NTSR1: variants seen among roughly 807,000 people sequenced by gnomAD.
NTSR1 encodes the protein neurotensin receptor type 1.
NTSR1 carries 29 observed loss-of-function variants against 31.2 expected under a neutral mutation model. That is an observed-to-expected ratio of 0.93 (90% CI 0.69 to 1.27). The LOEUF is 1.27. Among genes scored for constraint, NTSR1 ranks in the 50% most tolerant of loss-of-function variants. NTSR1 has a pLI of 0.00. For synonymous variants in NTSR1, 282 were observed against 269.9 expected, an observed-to-expected ratio of 1.04 and a Z score of -0.44; for missense variants, 697 against 595.4, an observed-to-expected ratio of 1.17 and a Z score of -1.78.
intron 1 of NTSR1, among the ~76,000 whole-genome samples, chr20:62,739,502 C>A (rs943269599): frequency 2.6e-5 from 4 of 152,236 alleles, no homozygotes; most frequent in Non-Finnish European, 4.4e-5. Context: ...CCAGGTGTCA[C>A]TGAGTCAGTC....
chr20:62,721,520 G>A (rs1988827761), intron 1 of NTSR1, among the ~76,000 whole-genome samples: 1 of 152,234 alleles, frequency 6.6e-6, no homozygotes, highest in Non-Finnish European at 1.5e-5. Flanking sequence ...GTCCGTGGTG[G>A]TTCCAATGCA....
chr20:62,727,915 C>T (rs1046523292), intron 1 of NTSR1, among the ~76,000 whole-genome samples: 1 of 152,230 alleles, frequency 6.6e-6, no homozygotes, highest in Non-Finnish European at 1.5e-5. Flanking sequence ...CGGCGTGGGC[C>T]GACCCAGCAC....
Position 62,761,321 on chromosome 20 carries a change from G to C in NTSR1, c.*1054G>C, listed in dbSNP as rs1989618578. On this transcript the variant is annotated 3_prime_UTR_variant, in exon 4 of 4. Coordinates refer to ENST00000370501, the MANE Select transcript of NTSR1 (RefSeq NM_002531.3). ...TCCCAGGAACTCAGGCTTCAGGTGA[G>C]AAGGAGCGGTGTGTCCAGGCACCGC... 6.6e-6 allele frequency: 1 copy of C among 152,324 alleles called. No homozygotes were observed. 9.4% of individuals were successfully genotyped at this position (152,324 alleles called of 1,614,324 possible).
Position 62,719,123 on chromosome 20 carries a change from CAA to C in NTSR1, c.714+9215_714+9216del, listed in dbSNP as rs34268973. Among the ~76,000 whole-genome samples the C allele has an allele frequency of 3.9e-3, 557 of 142,356 alleles. 2 individuals carry two copies. Among genetic ancestry groups the C allele is most frequent in the South Asian group, 6.6e-3 (30 of 4,530 alleles). The allele number at this position is 142,356 out of a possible 152,430, so 93.4% of individuals were successfully genotyped here. ...GCTTCCAGTCCCTTTTTTTTTCTTT[CAA>C]AAAAAAAAAAAAGTTTTTCGTTTAT... On this transcript the variant is annotated intron_variant, in intron 1 of 3. Coordinates refer to ENST00000370501, the MANE Select transcript of NTSR1 (RefSeq NM_002531.3).
intron 1 of NTSR1, among the ~76,000 whole-genome samples, chr20:62,736,473 G>C (rs748611798): frequency 1.3e-5 from 2 of 152,250 alleles, no homozygotes; most frequent in Non-Finnish European, 2.9e-5. Context: ...CTCCAACTGG[G>C]GAACCAGGAG....
chr20:62,724,905 T>C (rs6011899), intron 1 of NTSR1, among the ~76,000 whole-genome samples: 25,957 of 152,200 alleles, frequency 0.17, 3,444 homozygotes, highest in African/African-American at 0.37. Flanking sequence ...CTCTGTGTCA[T>C]CTAAGGATAC....
At chr20:62,734,584 G>A (rs1989054292) in intron 1 of NTSR1, among the ~76,000 whole-genome samples, 1 of 152,354 alleles carries the variant, frequency 6.6e-6, no homozygotes, top group South Asian at 2.1e-4. Flanking sequence ...GCAGGCGCTG[G>A]TGTGCCTGGC....
Position 62,709,149 on chromosome 20 carries a change from C to T in NTSR1, c.-59C>T. 2 of 1,321,320 alleles carry T rather than the reference C, an allele frequency of 1.5e-6. No homozygotes were observed. Among genetic ancestry groups the T allele is most frequent in the Non-Finnish European group, 2.0e-6 (2 of 1,021,914 alleles). 81.8% of individuals were successfully genotyped at this position (1,321,320 alleles called of 1,614,324 possible). On this transcript the variant is annotated 5_prime_UTR_variant, in exon 1 of 4. Transcript: ENST00000370501. ...GGTCCCCGCCTGAGACGCGCCCACT[C>T]CTGCCCGGACTTCCAGCCCCGGAGG...
At chr20:62,718,644 C>T (rs560262000) in intron 1 of NTSR1, among the ~76,000 whole-genome samples, 59 of 151,328 alleles carry the variant, frequency 3.9e-4, no homozygotes, top group Non-Finnish European at 8.2e-4. Flanking sequence ...TGTGGCCTCT[C>T]GAGCCGGCCT....
rs11907445 is a variant in NTSR1 at position 62,744,127 on chromosome 20, G to T, written c.715-10558G>T. ...CATAGGTCCAGCCCCACCAGCCGTCGCCCCAGCGTGTCCCATCCCAGCCTC... is the reference window on the plus strand; with the variant it reads ...CATAGGTCCAGCCCCACCAGCCGTCTCCCCAGCGTGTCCCATCCCAGCCTC... On this transcript the variant is annotated intron_variant, in intron 1 of 3. Coordinates refer to ENST00000370501, the MANE Select transcript of NTSR1 (RefSeq NM_002531.3). The surrounding 1 kb of genome is among the most constrained non-coding windows in gnomAD (Gnocchi z 4.1). 0.11 allele frequency among the ~76,000 whole-genome samples: 16,442 copies of T among 152,110 alleles called. 2,035 individuals are homozygous for T. The highest frequency in any genetic ancestry group is 0.32 in the East Asian group (1,676 of 5,180).
intron 3 of NTSR1, among the ~76,000 whole-genome samples, chr20:62,759,094 C>G (rs986434386): frequency 6.6e-6 from 1 of 152,210 alleles, no homozygotes; most frequent in Non-Finnish European, 1.5e-5. Context: ...CTTGTGAACC[C>G]TTTTCTGTGC....
In NTSR1 at chr20:62,741,922, GTTTC is replaced by G. The variant is rs148763974; in HGVS notation, c.715-12759_715-12756del. On this transcript the variant is annotated intron_variant, in intron 1 of 3. Transcript: ENST00000370501. This position sits in a 1 kb window ranked among gnomAD's most constrained non-coding sequence, Gnocchi z 4.3. Reference sequence around the variant, plus strand: ...CCCCTGGGTTCACAACTGTGCCTGGGTTTCTTTATCTACAAAAGGAGCCTGACAG... The same window carrying G: ...CCCCTGGGTTCACAACTGTGCCTGGGTTTATCTACAAAAGGAGCCTGACAG... 0.064 allele frequency among the ~76,000 whole-genome samples: 9,518 copies of G among 149,204 alleles called. 1,506 individuals are homozygous for G. The highest frequency in any genetic ancestry group is 0.21 in the African/African-American group (8,292 of 39,784).
Position 62,709,934 on chromosome 20 carries a change from A to G in NTSR1, c.714+13A>G, listed in dbSNP as rs3746780. 369,413 of 1,563,300 alleles carry G rather than the reference A, an allele frequency of 0.24. 47,691 individuals are homozygous for G. Among genetic ancestry groups the G allele is most frequent in the African/African-American group, 0.52 (38,053 of 73,462 alleles). The stretch of plus-strand genomic sequence containing the variant: ...GGTCGTCATACAGGTGAGCCTCAGT[A>G]ACCAGCCCCGGGGCTCCCCTCTCCT... On this transcript the variant is annotated intron_variant, in intron 1 of 3. Coordinates refer to ENST00000370501, the MANE Select transcript of NTSR1 (RefSeq NM_002531.3).
At chr20:62,727,133 G>T (rs892657006) in intron 1 of NTSR1, among the ~76,000 whole-genome samples, 1 of 152,172 alleles carries the variant, frequency 6.6e-6, no homozygotes, top group Non-Finnish European at 1.5e-5. Flanking sequence ...CTGGGAAGCG[G>T]GTTGCCTGCA....
Position 62,732,828 on chromosome 20 carries a change from T to G in NTSR1, c.715-21857T>G, listed in dbSNP as rs1188573179. 2 of 152,194 alleles carry G rather than the reference T, an allele frequency of 1.3e-5. No homozygotes were observed. Among genetic ancestry groups the G allele is most frequent in the Non-Finnish European group, 2.9e-5 (2 of 68,038 alleles). The allele number at this position is 152,194 out of a possible 1,614,324, so 9.4% of individuals were successfully genotyped here. ...AGGTAGAATTCTAAGTCCGTGTCCC[T>G]GCGTGGCTCCAGGCACGCTGGTTCC... On this transcript the variant is annotated intron_variant, in intron 1 of 3. Coordinates refer to ENST00000370501, the MANE Select transcript of NTSR1 (RefSeq NM_002531.3). The surrounding 1 kb of genome is among the most constrained non-coding windows in gnomAD (Gnocchi z 4.0).
intron 1 of NTSR1, among the ~76,000 whole-genome samples, chr20:62,737,406 A>G (rs1235521639): frequency 1.3e-5 from 2 of 152,166 alleles, no homozygotes; most frequent in African/African-American, 4.8e-5. Flanking sequence ...CCAGAGGTGA[A>G]ATGGCTCCCT....
chr20:62,758,383 G>A lies in NTSR1; in HGVS notation c.1007+27G>A. The A allele has an allele frequency of 1.2e-6, 2 of 1,601,186 alleles. No homozygotes were observed. Among genetic ancestry groups the A allele is most frequent in the African/African-American group, 1.3e-5 (1 of 74,786 alleles). On this transcript the variant is annotated intron_variant, in intron 3 of 3. Coordinates refer to ENST00000370501, the MANE Select transcript of NTSR1 (RefSeq NM_002531.3). This position sits in a 1 kb window ranked among gnomAD's most constrained non-coding sequence, Gnocchi z 4.5. ...TGAGTACCGGGAACCAGGAAGTTGG[G>A]TGCTGGACAAGTAAGTGCTCCCAAA...
In NTSR1 at chr20:62,709,338, A is replaced by G; in HGVS notation, c.131A>G (p.Glu44Gly). The change falls in exon 1 of 4, where the codon GAG becomes GGG. Residue 44 changes from glutamate (E) to glycine (G), a missense_variant. By Grantham distance (98) the Glu-to-Gly change is moderately conservative (BLOSUM62 -2). Transcript: ENST00000370501. ...GGCAACGCTTCGGGCAACGCGTCGG[A>G]GCGCGTCCTGGCGGCACCCAGCAGC... is the stretch of plus-strand genomic sequence containing the variant. ...GFGNASGNASERVLAAPSSEL... is the reference protein window; with the variant it reads ...GFGNASGNASGRVLAAPSSEL... The G allele has an allele frequency of 1.2e-6, 2 of 1,609,404 alleles. No individual in the cohort carries two copies. The highest frequency in any genetic ancestry group is 1.7e-6 in the Non-Finnish European group (2 of 1,178,364).
At position 62,709,436 on chromosome 20, in the gene NTSR1, GGCACGGTGGGC is replaced by G; in HGVS notation, c.230_240del (p.Gly77GlufsTer252). 2 of 1,612,360 alleles carry G rather than the reference GGCACGGTGGGC, an allele frequency of 1.2e-6. No homozygotes were observed. The highest frequency in any genetic ancestry group is 2.2e-5 in the South Asian group (2 of 91,032). On this transcript the variant is annotated frameshift_variant, in exon 1 of 4. Transcript: ENST00000370501. LOFTEE classifies it high-confidence loss of function. ...CGTGTACCTGGCGCTCTTCGTGGTG[GGCACGGTGGGC>G]AACACGGTGACGGCGTTCACGCTGG...
Sources: gnomAD v4.1 joint callset for allele counts (sites outside exome capture counted in the v4.1 genomes callset) on GRCh38, gnomAD v4.1.1 for gene constraint, Gnocchi (gnomAD v3.1) non-coding constraint, MANE v1.5 for transcripts, NCBI Gene and HGNC (gene_info 2026-07-23, HGNC 2026-07-21) for gene names.